NRG3: variants seen among roughly 807,000 people sequenced by gnomAD.
NRG3 encodes the protein neuregulin 3.
NRG3 carries 31 observed loss-of-function variants against 66.9 expected under a neutral mutation model. That is an observed-to-expected ratio of 0.46 (90% CI 0.35 to 0.63). The LOEUF (loss-of-function observed/expected upper bound fraction) is 0.63, where lower values mean the gene tolerates loss of function less well. Ranked by LOEUF, NRG3 falls within the 20% of genes least tolerant of loss-of-function variation. NRG3 has a pLI of 0.00. For missense variants in NRG3, 910 were observed against 878.9 expected, an observed-to-expected ratio of 1.04 and a Z score of -0.45; for synonymous variants, 393 against 359.4, an observed-to-expected ratio of 1.09 and a Z score of -1.06.
At chr10:82,682,774 A>G (rs931844619) in intron 2 of NRG3, among the ~76,000 whole-genome samples, 1 of 152,032 alleles carries the variant, frequency 6.6e-6, no homozygotes, top group African/African-American at 2.4e-5. Context: ...ATTTCTTACA[A>G]AACTCACTCC....
intron 3 of NRG3, among the ~76,000 whole-genome samples, chr10:82,809,941 GTT>G (rs71009824): frequency 1.4e-5 from 2 of 146,192 alleles, no homozygotes; most frequent in South Asian, 2.1e-4. Flanking sequence ...TTCTACACAG[GTT>G]TTTTTTTTTC....
chr10:82,060,823 C>T lies in NRG3; in HGVS notation c.823+184660C>T, dbSNP rs188835981. ...CATATTGCCTCTACTCAACCTCTTT[C>T]TCCCAGTAACTAAGAAGCCTGGACT... On this transcript the variant is annotated intron_variant, in intron 1 of 8. Transcript: ENST00000372141. Among the ~76,000 whole-genome samples the T allele has an allele frequency of 2.6e-5, 4 of 152,272 alleles. No homozygotes were observed. The East Asian group carries it at 7.8e-4, about 30-fold the overall frequency.
At chr10:82,680,762 A>G (rs1403064308) in intron 2 of NRG3, among the ~76,000 whole-genome samples, 1 of 152,232 alleles carries the variant, frequency 6.6e-6, no homozygotes, top group Admixed American at 6.5e-5. Flanking sequence ...CTGCAGACAC[A>G]TAATAAATGC....
At chr10:82,573,363 C>G (rs971921037) in intron 2 of NRG3, among the ~76,000 whole-genome samples, 4 of 151,732 alleles carry the variant, frequency 2.6e-5, no homozygotes, top group African/African-American at 9.7e-5. Context: ...GTTTGTTTAT[C>G]AAGATAAATA....
At chr10:82,816,587 G>A (rs935363146) in intron 3 of NRG3, among the ~76,000 whole-genome samples, 10 of 151,956 alleles carry the variant, frequency 6.6e-5, no homozygotes, top group African/African-American at 9.7e-5. Context: ...ACTCCTGGCC[G>A]TGGACTCCAC....
Position 82,608,534 on chromosome 10 carries a change from G to A in NRG3, c.954-130043G>A, listed in dbSNP as rs976707867. On this transcript the variant is annotated intron_variant, in intron 2 of 8. Coordinates refer to ENST00000372141, the MANE Select transcript of NRG3 (RefSeq NM_001010848.4). ...CTTGGTTTTGCCTCTCCTGCTATAC[G>A]AAATCCCTATTGTTGTGGTGGTAAA... 3.9e-5 allele frequency among the ~76,000 whole-genome samples: 6 copies of A among 152,080 alleles called. No individual in the cohort carries two copies. The South Asian group carries it at 8.3e-4, about 21-fold the overall frequency.
chr10:82,537,564 T>C (rs1263634642), intron 2 of NRG3, among the ~76,000 whole-genome samples: 1 of 152,200 alleles, frequency 6.6e-6, no homozygotes, highest in African/African-American at 2.4e-5. Flanking sequence ...AAGGGTGGGA[T>C]ATGAAACTCC....
chr10:82,565,905 G>A (rs772785169), intron 2 of NRG3, among the ~76,000 whole-genome samples: 8 of 152,026 alleles, frequency 5.3e-5, no homozygotes, highest in African/African-American at 1.2e-4. Flanking sequence ...ATGAGAAGTC[G>A]CATGATACAG....
chr10:82,580,932 TG>T (rs1590752299), intron 2 of NRG3, among the ~76,000 whole-genome samples: 1 of 151,608 alleles, frequency 6.6e-6, no homozygotes, highest in East Asian at 1.9e-4. Context: ...TGTGTGTGTG[TG>T]TGTGTACATA....
At chr10:82,473,950 T>A (rs1412160967) in intron 2 of NRG3, among the ~76,000 whole-genome samples, 2 of 151,574 alleles carry the variant, frequency 1.3e-5, no homozygotes, top group Admixed American at 6.6e-5. Context: ...GAAGTAGGGG[T>A]GTGACTCTTA....
At chr10:82,796,363 A>G (rs1339086116) in intron 3 of NRG3, among the ~76,000 whole-genome samples, 2 of 151,850 alleles carry the variant, frequency 1.3e-5, no homozygotes, top group Non-Finnish European at 2.9e-5. Context: ...TGTCAAGTCC[A>G]CCATAGAGCA....
intron 2 of NRG3, among the ~76,000 whole-genome samples, chr10:82,514,692 T>A (rs1431448919): frequency 6.6e-6 from 1 of 152,188 alleles, no homozygotes; most frequent in Non-Finnish European, 1.5e-5. Flanking sequence ...ATACCTTGGC[T>A]ATAAGGGCTC....
chr10:82,702,176 T>C (rs1198902826), intron 2 of NRG3, among the ~76,000 whole-genome samples: 1 of 152,138 alleles, frequency 6.6e-6, no homozygotes, highest in Non-Finnish European at 1.5e-5. Flanking sequence ...TAAAAGTAAA[T>C]ACTTGGCGAT....
At chr10:82,178,065 T>A (rs541195462) in intron 1 of NRG3, among the ~76,000 whole-genome samples, 1 of 152,178 alleles carries the variant, frequency 6.6e-6, no homozygotes, top group Non-Finnish European at 1.5e-5. Flanking sequence ...GATAGTAAAA[T>A]TAATATGAGA....
intron 1 of NRG3, among the ~76,000 whole-genome samples, chr10:81,894,848 C>T (rs1843374870): frequency 2.0e-5 from 3 of 152,098 alleles, no homozygotes; most frequent in African/African-American, 4.8e-5. Flanking sequence ...TTGCGACAGC[C>T]GCTGCCTCCA....
intron 6 of NRG3, among the ~76,000 whole-genome samples, chr10:82,969,037 A>G (rs1353604908): frequency 6.6e-6 from 1 of 152,180 alleles, no homozygotes; most frequent in Non-Finnish European, 1.5e-5. Context: ...AACTGCCGCC[A>G]TGATTCAATT....
chr10:82,917,998 G>C (rs61858812), intron 4 of NRG3, among the ~76,000 whole-genome samples: 2,185 of 110,024 alleles, frequency 0.02, 39 homozygotes, highest in Middle Eastern at 0.066. Flanking sequence ...ATATATGTAT[G>C]TATGTATCTC....
chr10:82,306,069 C>T (rs2080707215), intron 1 of NRG3, among the ~76,000 whole-genome samples: 1 of 152,080 alleles, frequency 6.6e-6, no homozygotes. Context: ...TGAACTATGC[C>T]AAATGTATTT....
intron 1 of NRG3, among the ~76,000 whole-genome samples, chr10:82,222,815 A>C (rs192690931): frequency 6.6e-6 from 1 of 152,118 alleles, no homozygotes; most frequent in Non-Finnish European, 1.5e-5. Flanking sequence ...CAGTGCCCCA[A>C]TGTGGATTTC....
Sources: allele counts gnomAD v4.1 joint callset (sites outside exome capture counted in the v4.1 genomes callset), GRCh38; gene constraint gnomAD v4.1.1; transcripts MANE v1.5; gene names NCBI Gene and HGNC (gene_info 2026-07-23, HGNC 2026-07-21).